The following PMPCB variants were observed in gnomAD, a reference collection of about 807,000 sequenced individuals.
The protein encoded by PMPCB is peptidase, mitochondrial processing subunit beta, also known as mitochondrial-processing peptidase subunit beta.
Under a neutral mutation model 61.5 loss-of-function variants are expected in PMPCB, and 46 were observed. The observed-to-expected ratio is 0.75, with a 90% CI of 0.59 to 0.96. PMPCB has a LOEUF of 0.96. PMPCB is among the 40% of genes least tolerant of loss of function. The pLI is 0.00. For missense variants in PMPCB, 590 were observed against 602.4 expected, an observed-to-expected ratio of 0.98 and a Z score of 0.22; for synonymous variants, 191 against 201.6, an observed-to-expected ratio of 0.95 and a Z score of 0.44.
intron 7 of PMPCB, among the ~76,000 whole-genome samples, chr7:103,308,544 G>A (rs1817649509): frequency 6.6e-6 from 1 of 152,124 alleles, no homozygotes; most frequent in Non-Finnish European, 1.5e-5. Context: ...GCTTGAACAT[G>A]GGAGGCCGAG....
At chr7:103,339,864 G>A in the PMPCB span, among the ~76,000 whole-genome samples, 1 of 152,060 alleles carries the variant, frequency 6.6e-6, no homozygotes, top group East Asian at 1.9e-4. Flanking sequence ...TTGAGATAGA[G>A]TTTTGCTCTT....
intron 8 of PMPCB, among the ~76,000 whole-genome samples, 178 bp from the exon 9 acceptor site, chr7:103,310,133 GGTAA>G (rs1329689787): frequency 3.3e-5 from 5 of 152,104 alleles, no homozygotes; most frequent in Non-Finnish European, 7.4e-5. Context: ...GGGTGCACTG[GGTAA>G]GTGAGATAAT....
chr7:103,322,417 T>G (rs1818470505), intron 12 of PMPCB: 1 of 1,237,782 alleles, frequency 8.1e-7, no homozygotes, highest in Non-Finnish European at 1.1e-6. Flanking sequence ...TGCTTTCGAA[T>G]TATAGTTTTT....
chr7:103,307,471 TTAAA>T (rs762475585), intron 6 of PMPCB, 121 bp from the exon 7 acceptor site: 2 of 608,842 alleles, frequency 3.3e-6, no homozygotes, highest in East Asian at 2.8e-5. Flanking sequence ...GAGCTTACTC[TTAAA>T]TAATGGCTTT....
downstream of PMPCB, among the ~76,000 whole-genome samples, chr7:103,331,837 A>T (rs1818986422): frequency 6.6e-6 from 1 of 152,140 alleles, no homozygotes; most frequent in Admixed American, 6.6e-5. Flanking sequence ...TACCCCTTTG[A>T]CATACTGTTT....
intron 12 of PMPCB, chr7:103,326,689 GA>G (rs746379943): frequency 1.1e-5 from 18 of 1,593,604 alleles, no homozygotes; most frequent in South Asian, 4.6e-5. Flanking sequence ...CATAAGCTGA[GA>G]AAAAAATTGT....
At chr7:103,322,093 G>A in intron 12 of PMPCB, 1 of 1,592,106 alleles carries the variant, frequency 6.3e-7, no homozygotes, top group Non-Finnish European at 8.5e-7. Flanking sequence ...TTTAAAAAAA[G>A]GGAGTAAAAT....
rs559940336 is a variant in PMPCB at position 103,319,982 on chromosome 7, T to A, written c.*1431+7851T>A. On this transcript the variant is annotated intron_variant and NMD_transcript_variant, in intron 12 of 12. Transcript: ENST00000444457. ...CCTGGAGGCGGAAATTGCAGCAAAC[T>A]GAGATCACGCCACTGCACTCCAGCC... 1.1e-5 allele frequency: 9 copies of A among 796,510 alleles called. No homozygotes were observed. In the South Asian group the frequency reaches 1.4e-4, roughly 13 times the overall value. The allele number at this position is 796,510 out of a possible 1,614,324, so 49.3% of individuals were successfully genotyped here.
downstream of PMPCB, chr7:103,315,741 A>G: frequency 6.5e-7 from 1 of 1,527,522 alleles, no homozygotes; most frequent in Non-Finnish European, 9.1e-7. Flanking sequence ...AGCATTTTCT[A>G]CGTTTAGAAA....
In PMPCB at chr7:103,309,084, G is replaced by T. The variant is rs528116984; in HGVS notation, c.982G>T (p.Gly328Trp). ...GATTGGCAACTGGGATCGCTCTTTT[G>T]GGGGAGGAATGGTAAGTGATTTTAA... ...TLIGNWDRSF[G>W]GGMNLSSKLA... is the part of the protein sequence containing the mutation. Residue 328 changes from glycine to tryptophan, a missense_variant, in exon 8 of 13, where the codon GGG (glycine) becomes TGG (tryptophan). By Grantham distance (184) the Gly-to-Trp change is radical. Coordinates refer to ENST00000249269, the MANE Select transcript of PMPCB (RefSeq NM_004279.3). 7.5e-6 allele frequency: 12 copies of T among 1,600,130 alleles called. No homozygotes were observed. The highest frequency in any genetic ancestry group is 8.5e-6 in the Non-Finnish European group (10 of 1,173,590).
Position 103,311,910 on chromosome 7 carries a change from AGTTAC to A in PMPCB, c.1329+15_1329+19del, listed in dbSNP as rs1431838324. ...GCAAGAATTGATGTAAGTAGTCCTG[AGTTAC>A]TATTGGGTCATGTGTAAAAAGATCC... On this transcript the variant is annotated intron_variant, in intron 11 of 12. Coordinates refer to ENST00000249269, the MANE Select transcript of PMPCB (RefSeq NM_004279.3). 1 of 1,563,546 alleles carries A rather than the reference AGTTAC, an allele frequency of 6.4e-7. No individual in the cohort carries two copies. The highest frequency in any genetic ancestry group is 8.8e-7 in the Non-Finnish European group (1 of 1,137,424).
At chr7:103,301,273 G>A (rs903382284) in intron 4 of PMPCB, among the ~76,000 whole-genome samples, 1 of 152,144 alleles carries the variant, frequency 6.6e-6, no homozygotes, top group Non-Finnish European at 1.5e-5. Context: ...AATAAAATAA[G>A]AAACCTATCA....
At chr7:103,323,687 T>C (rs780715759) in intron 12 of PMPCB, 1 of 1,365,228 alleles carries the variant, frequency 7.3e-7, no homozygotes, top group Non-Finnish European at 9.8e-7. Context: ...AAATAATACA[T>C]GATCAAGACA....
At chr7:103,327,556 G>C in intron 12 of PMPCB, 2 of 789,170 alleles carry the variant, frequency 2.5e-6, no homozygotes, top group Non-Finnish European at 4.1e-6. Context: ...AATGTCAAAG[G>C]ATAGTTGAAT....
chr7:103,342,382 T>G, the PMPCB span, among the ~76,000 whole-genome samples: 5 of 152,084 alleles, frequency 3.3e-5, no homozygotes, highest in African/African-American at 1.2e-4. Flanking sequence ...CTCGGCTCAA[T>G]GCCGTCTCCA....
chr7:103,329,144 T>G (rs945341189), exon 13 of PMPCB: 3 of 366,762 alleles, frequency 8.2e-6, no homozygotes, highest in Non-Finnish European at 1.5e-5. Flanking sequence ...TCAGTTTTTC[T>G]TCTGACTCTG....
chr7:103,314,038 A>G lies in PMPCB; in HGVS notation c.*1767A>G. 1 of 985,438 alleles carries G rather than the reference A, an allele frequency of 1.0e-6. No homozygotes were observed. Among genetic ancestry groups the G allele is most frequent in the Non-Finnish European group, 1.2e-6 (1 of 829,938 alleles). The allele number at this position is 985,438 out of a possible 1,614,324, so 61.0% of individuals were successfully genotyped here. A position where few individuals can be genotyped will look rare whatever the true frequency, so the allele number is the denominator to read the frequency against. On this transcript the variant is annotated 3_prime_UTR_variant, in exon 13 of 13. Coordinates refer to ENST00000249269, the MANE Select transcript of PMPCB (RefSeq NM_004279.3). ...ATTAAAGAAGGAAAAACAAAACAAA[A>G]CAAAACAAAACCACCACCTATTCAA...
chr7:103,342,535 C>T, the PMPCB span, among the ~76,000 whole-genome samples: 1 of 151,850 alleles, frequency 6.6e-6, no homozygotes, highest in South Asian at 2.1e-4. Context: ...GAACTCCCGA[C>T]CTCAGGTGAT....
intron 12 of PMPCB, among the ~76,000 whole-genome samples, chr7:103,323,949 GTC>G (rs2115901389): frequency 6.6e-6 from 1 of 152,280 alleles, no homozygotes; most frequent in African/African-American, 2.4e-5. Context: ...AATTTCGCTA[GTC>G]TGTCAAGTCT....
Sources: gnomAD v4.1 joint callset for allele counts (sites outside exome capture counted in the v4.1 genomes callset) on GRCh38, gnomAD v4.1.1 for gene constraint, MANE v1.5 for transcripts, NCBI Gene and HGNC (gene_info 2026-07-23, HGNC 2026-07-21) for gene names.